MAF: variants seen among roughly 807,000 people sequenced by gnomAD.
The protein encoded by MAF is transcription factor Maf.
A neutral mutation model predicts 22.0 loss-of-function variants in MAF; 10 were observed. That is an observed-to-expected ratio of 0.45 (90% CI 0.28 to 0.77). The LOEUF (loss-of-function observed/expected upper bound fraction) is 0.77. Among genes scored for constraint, MAF ranks in the 30% least tolerant of loss-of-function variants. The pLI is 0.12. For missense variants in MAF, 544 were observed against 548.4 expected, an observed-to-expected ratio of 0.99 and a Z score of 0.08; for synonymous variants, 337 against 255.8, an observed-to-expected ratio of 1.32 and a Z score of -3.03.
chr16:79,305,190 G>A, the MAF span, among the ~76,000 whole-genome samples: 5,717 of 152,268 alleles, frequency 0.038, 145 homozygotes, highest in Middle Eastern at 0.11. Context: ...AGAGTCATCC[G>A]GGGCAGGTGA....
the MAF span, chr16:79,211,870 C>T: frequency 1.3e-6 from 2 of 1,594,402 alleles, no homozygotes; most frequent in Non-Finnish European, 1.7e-6. Flanking sequence ...GGGCTGGGCC[C>T]CTTCCAAATG....
chr16:79,359,362 G>A, the MAF span, among the ~76,000 whole-genome samples: 1 of 152,092 alleles, frequency 6.6e-6, no homozygotes, highest in Non-Finnish European at 1.5e-5. Context: ...GAAATTCTAG[G>A]GCACAGCAAA....
the MAF span, among the ~76,000 whole-genome samples, chr16:79,404,951 G>C: frequency 3.3e-5 from 5 of 152,264 alleles, no homozygotes; most frequent in East Asian, 1.9e-4. Flanking sequence ...TACTTATGGG[G>C]TGTTTACAGA....
the MAF span, among the ~76,000 whole-genome samples, chr16:79,547,323 A>T: frequency 6.6e-6 from 1 of 152,058 alleles, no homozygotes; most frequent in Non-Finnish European, 1.5e-5. Flanking sequence ...ATTCGCCTGT[A>T]CACACATACA....
At chr16:79,462,142 T>G in the MAF span, among the ~76,000 whole-genome samples, 1 of 152,344 alleles carries the variant, frequency 6.6e-6, no homozygotes, top group South Asian at 2.1e-4. Flanking sequence ...ACCTCAGTTT[T>G]GGAAAAGTGA....
At chr16:79,371,976 GA>G in the MAF span, among the ~76,000 whole-genome samples, 1 of 151,514 alleles carries the variant, frequency 6.6e-6, no homozygotes, top group South Asian at 2.1e-4. Flanking sequence ...GTGTGGCCAT[GA>G]AAAAGAAAAT....
the MAF span, among the ~76,000 whole-genome samples, chr16:79,348,510 C>T: frequency 9.9e-5 from 15 of 152,166 alleles, no homozygotes; most frequent in Admixed American, 8.5e-4. Flanking sequence ...ACATCTATCT[C>T]GCAATATTGA....
At chr16:79,413,109 A>G in the MAF span, among the ~76,000 whole-genome samples, 1 of 149,136 alleles carries the variant, frequency 6.7e-6, no homozygotes, top group Non-Finnish European at 1.5e-5. Flanking sequence ...ACTCATACAT[A>G]CTCCCCAGGA....
chr16:79,354,452 G>A, the MAF span, among the ~76,000 whole-genome samples: 2 of 152,108 alleles, frequency 1.3e-5, no homozygotes, highest in Admixed American at 6.5e-5. Flanking sequence ...TGTACCTTTC[G>A]GCCATAGTGG....
At chr16:79,394,309 G>C in the MAF span, among the ~76,000 whole-genome samples, 1 of 152,088 alleles carries the variant, frequency 6.6e-6, no homozygotes, top group East Asian at 1.9e-4. Context: ...CTAGGAGTCA[G>C]GAATATAGAA....
the MAF span, among the ~76,000 whole-genome samples, chr16:79,471,503 G>C: frequency 9.3e-3 from 1,409 of 152,216 alleles, 21 homozygotes; most frequent in Middle Eastern, 0.027. Flanking sequence ...GCTAACTCCT[G>C]TCTCTAGAAA....
At chr16:79,262,059 A>C in the MAF span, among the ~76,000 whole-genome samples, 1 of 152,176 alleles carries the variant, frequency 6.6e-6, no homozygotes, top group Non-Finnish European at 1.5e-5. Flanking sequence ...CCAGGCAGTC[A>C]CATTCAGGGC....
At chr16:79,391,270 G>T in the MAF span, among the ~76,000 whole-genome samples, 1 of 152,268 alleles carries the variant, frequency 6.6e-6, no homozygotes, top group Non-Finnish European at 1.5e-5. Flanking sequence ...AAGAATGCTT[G>T]CAGCATTAAG....
At chr16:79,280,066 G>T in the MAF span, among the ~76,000 whole-genome samples, 1 of 152,166 alleles carries the variant, frequency 6.6e-6, no homozygotes, top group Non-Finnish European at 1.5e-5. Context: ...GGCCACAGCA[G>T]GTAAGGAAAC....
the MAF span, among the ~76,000 whole-genome samples, chr16:79,474,153 C>T: frequency 1.3e-5 from 2 of 152,178 alleles, no homozygotes; most frequent in South Asian, 2.1e-4. Flanking sequence ...GAGGGATAAC[C>T]TAGAATTATT....
chr16:79,599,431 C>T lies in MAF; in HGVS notation c.472G>A (p.Gly158Ser). Residue 158 changes from glycine (G) to serine (S), a missense_variant, in exon 1 of 2, where the codon GGC (glycine) becomes AGC (serine). Physicochemically the swap from Gly to Ser is moderately conservative, Grantham distance 56 (BLOSUM62 0). Around this residue, in one of 5 missense-constraint regions of MAF, gnomAD observed 342 missense variants for 315.5 expected, o/e 1.08. Coordinates refer to ENST00000326043, the MANE Select transcript of MAF (RefSeq NM_005360.5). ...ASLGGSGEEM[G>S]PAAAVVSAVI... ...GCGGACACCACGGCGGCGGCGGGGC[C>T]CATCTCCTCGCCGCTGCCGCCCAAG... The T allele has an allele frequency of 8.2e-7, 1 of 1,219,870 alleles. No homozygotes were observed. The highest frequency in any genetic ancestry group is 3.4e-5 in the East Asian group (1 of 29,276). 75.6% of individuals were successfully genotyped at this position (1,219,870 alleles called of 1,614,324 possible). A position where few individuals can be genotyped will look rare whatever the true frequency, so the allele number is the denominator to read the frequency against.
the MAF span, among the ~76,000 whole-genome samples, chr16:79,389,303 C>T: frequency 6.6e-6 from 1 of 152,078 alleles, no homozygotes; most frequent in African/African-American, 2.4e-5. Context: ...ACTCTGTTGC[C>T]CAGGCTGGAG....
At chr16:79,237,778 A>C in the MAF span, among the ~76,000 whole-genome samples, 1 of 152,112 alleles carries the variant, frequency 6.6e-6, no homozygotes, top group Non-Finnish European at 1.5e-5. Context: ...TTGATCCACC[A>C]GTGGCTAGCA....
chr16:79,412,530 G>C, the MAF span, among the ~76,000 whole-genome samples: 1 of 152,292 alleles, frequency 6.6e-6, no homozygotes, highest in Non-Finnish European at 1.5e-5. Context: ...CTGTTGTAGG[G>C]GCTGTCCTGT....
Sources: gnomAD v4.1 joint callset for allele counts (sites outside exome capture counted in the v4.1 genomes callset) on GRCh38, gnomAD v4.1.1 for gene constraint, gnomAD v4.1.1 regional missense constraint, MANE v1.5 for transcripts, NCBI Gene and HGNC (gene_info 2026-07-23, HGNC 2026-07-21) for gene names.